SLC35E4: variants seen among roughly 807,000 people sequenced by gnomAD.
SLC35E4 encodes the protein solute carrier family 35, member E4.
A neutral mutation model predicts 19.3 loss-of-function variants in SLC35E4; 15 were observed. That is an observed-to-expected ratio of 0.78 (90% CI 0.52 to 1.20). The LOEUF (loss-of-function observed/expected upper bound fraction) is 1.20, where lower values mean the gene tolerates loss of function less well. SLC35E4 is among the 50% of genes most tolerant of loss of function. The pLI is 0.00. For synonymous variants in SLC35E4, 219 were observed against 219.9 expected, an observed-to-expected ratio of 1.00 and a Z score of 0.04; for missense variants, 406 against 472.3, an observed-to-expected ratio of 0.86 and a Z score of 1.30.
chr22:30,666,606 C>T (rs186523171), downstream of SLC35E4, among the ~76,000 whole-genome samples: 569 of 109,248 alleles, frequency 5.2e-3, 7 homozygotes, highest in Middle Eastern at 0.032. Flanking sequence ...TGGGAGACAG[C>T]GTGAGACTCC....
intron 2 of SLC35E4, among the ~76,000 whole-genome samples, chr22:30,657,895 C>T (rs897847937): frequency 2.8e-5 from 4 of 142,674 alleles, no homozygotes; most frequent in African/African-American, 5.2e-5. Context: ...CAGTGCAAGA[C>T]TCTGTCTCAA....
chr22:30,655,235 G>A (rs1289416174), intron 2 of SLC35E4, among the ~76,000 whole-genome samples: 1 of 151,474 alleles, frequency 6.6e-6, no homozygotes, highest in Non-Finnish European at 1.5e-5. Context: ...AAAGGTGGAT[G>A]GCTAGAGCCC....
chr22:30,636,671 A>C lies in SLC35E4; in HGVS notation c.221A>C (p.His74Pro). The stretch of plus-strand genomic sequence containing the variant: ...CTCAACAAGTGGATCTTCACAGTGC[A>C]CGGCTTTGGGCGGCCCCTGCTGCTG... ...SSLNKWIFTV[H>P]GFGRPLLLSA... Residue 74 changes from histidine (H) to proline (P), a missense_variant, in exon 1 of 2, where the codon CAC (histidine) becomes CCC (proline). By Grantham distance (77) the His-to-Pro change is moderately conservative. Transcript: ENST00000343605. The C allele has an allele frequency of 6.2e-7, 1 of 1,612,140 alleles. No individual in the cohort carries two copies. Among genetic ancestry groups the C allele is most frequent in the Non-Finnish European group, 8.5e-7 (1 of 1,179,280 alleles).
chr22:30,663,700 G>C, downstream of SLC35E4: 9 of 1,614,260 alleles, frequency 5.6e-6, no homozygotes, highest in Non-Finnish European at 7.6e-6. Flanking sequence ...GCACAGTGCA[G>C]CAAAGTACGG....
At chr22:30,660,670 G>A (rs967133060) in intron 2 of SLC35E4, among the ~76,000 whole-genome samples, 9 of 152,086 alleles carry the variant, frequency 5.9e-5, no homozygotes, top group African/African-American at 4.8e-5. Context: ...AAGGATAACC[G>A]AAAGAAATCC....
In SLC35E4 at chr22:30,653,467, G is replaced by A. The variant is rs1314744752; in HGVS notation, c.*8+4214G>A. On this transcript the variant is annotated intron_variant, in intron 2 of 2. Coordinates refer to the SLC35E4 transcript ENST00000406566. ...GCTCACTGCAACCTCCGCCTCCTGG[G>A]TTCAAGCGATTCTCCTGCCTCAGCC... Among the ~76,000 whole-genome samples the A allele has an allele frequency of 2.0e-5, 3 of 151,952 alleles. No homozygotes were observed. In the East Asian group the frequency reaches 5.8e-4, roughly 29 times the overall value.
In SLC35E4 at chr22:30,635,941, G is replaced by C. The variant is rs1354609095; in HGVS notation, c.-510G>C. 2.0e-5 allele frequency: 3 copies of C among 152,512 alleles called. No individual in the cohort carries two copies. The highest frequency in any genetic ancestry group is 7.2e-5 in the African/African-American group (3 of 41,452). 9.4% of individuals were successfully genotyped at this position (152,512 alleles called of 1,614,324 possible). ...GGGCCGTGGTGTCAGCTCACTGCCC[G>C]GGCGCTGTGGGAGGCAGCGAGCCCG... On this transcript the variant is annotated 5_prime_UTR_variant, in exon 1 of 2. Coordinates refer to ENST00000343605, the MANE Select transcript of SLC35E4 (RefSeq NM_001001479.4).
downstream of SLC35E4, among the ~76,000 whole-genome samples, chr22:30,650,098 G>A (rs1325202385): frequency 6.7e-6 from 1 of 149,358 alleles, no homozygotes; most frequent in African/African-American, 2.5e-5. Flanking sequence ...TTGGGAGTCC[G>A]AGGGGGGCGG....
downstream of SLC35E4, among the ~76,000 whole-genome samples, chr22:30,650,605 C>G (rs1306679499): frequency 6.6e-6 from 1 of 152,184 alleles, no homozygotes; most frequent in African/African-American, 2.4e-5. Flanking sequence ...TCCTCTCCAC[C>G]TGTGCCTCTG....
downstream of SLC35E4, among the ~76,000 whole-genome samples, chr22:30,651,134 C>A (rs947428776): frequency 6.6e-6 from 1 of 151,646 alleles, no homozygotes; most frequent in African/African-American, 2.4e-5. Context: ...GGAAGTAGCA[C>A]AAAATACTTA....
At chr22:30,638,539 C>CA (rs2087987202) in intron 1 of SLC35E4, among the ~76,000 whole-genome samples, 1 of 147,144 alleles carries the variant, frequency 6.8e-6, no homozygotes, top group Non-Finnish European at 1.5e-5. Flanking sequence ...GGGCCAGGCG[C>CA]AGTGGCTCAC....
intron 2 of SLC35E4, chr22:30,654,141 G>A (rs1054405471): frequency 5.2e-5 from 12 of 229,852 alleles, no homozygotes; most frequent in Middle Eastern, 1.7e-3. Context: ...CACCACGCCC[G>A]GCTATTTTTA....
chr22:30,646,324 T>C (rs1267792735), intron 1 of SLC35E4, among the ~76,000 whole-genome samples: 2 of 152,208 alleles, frequency 1.3e-5, no homozygotes, highest in Non-Finnish European at 2.9e-5. Flanking sequence ...GATTAGGTTT[T>C]ATTATTACCC....
chr22:30,656,916 AC>A (rs1244068356), intron 2 of SLC35E4, among the ~76,000 whole-genome samples: 1 of 152,142 alleles, frequency 6.6e-6, no homozygotes, highest in Non-Finnish European at 1.5e-5. Context: ...GGAGTTCGAG[AC>A]CAGCCTGGTC....
chr22:30,657,292 C>T (rs1415781482), intron 2 of SLC35E4, among the ~76,000 whole-genome samples: 2 of 150,502 alleles, frequency 1.3e-5, no homozygotes, highest in Non-Finnish European at 3.0e-5. Flanking sequence ...CACACACACA[C>T]ACACACACAC....
At position 30,646,969 on chromosome 22, in the gene SLC35E4, G is replaced by T; in HGVS notation, c.991G>T (p.Val331Leu). 1 of 1,613,800 alleles carries T rather than the reference G, an allele frequency of 6.2e-7. No homozygotes were observed. Among genetic ancestry groups the T allele is most frequent in the Non-Finnish European group, 8.5e-7 (1 of 1,180,000 alleles). ...GTTCCTTTACCACAACTGCGAGTTC[G>T]TGGCCTCCTGGGCTGCCCGTCGGGG... ...GMFLYHNCEF[V>L]ASWAARRGLW... The change falls in exon 2 of 2, where the codon GTG (valine) becomes TTG (leucine). Residue 331 changes from valine to leucine, a missense_variant. Val to Leu is a conservative substitution (Grantham distance 32). Coordinates refer to ENST00000343605, the MANE Select transcript of SLC35E4 (RefSeq NM_001001479.4).
At chr22:30,659,980 G>T (rs2088426049) in intron 2 of SLC35E4, among the ~76,000 whole-genome samples, 2 of 152,170 alleles carry the variant, frequency 1.3e-5, no homozygotes, top group Admixed American at 1.3e-4. Context: ...CAGAGAAAAG[G>T]CCAACCCCCA....
intron 2 of SLC35E4, chr22:30,661,497 G>A (rs1450679780): frequency 7.1e-6 from 1 of 141,340 alleles, no homozygotes; most frequent in African/African-American, 2.6e-5. Context: ...TGCCCAGGCT[G>A]GAGTGCAATG....
chr22:30,653,565 G>A (rs1338526229), intron 2 of SLC35E4, among the ~76,000 whole-genome samples: 1 of 151,940 alleles, frequency 6.6e-6, no homozygotes, highest in East Asian at 1.9e-4. Context: ...TAGAGACTGG[G>A]TTTCACCATG....
Sources: allele counts gnomAD v4.1 joint callset (sites outside exome capture counted in the v4.1 genomes callset), GRCh38; gene constraint gnomAD v4.1.1; transcripts MANE v1.5; gene names NCBI Gene and HGNC (gene_info 2026-07-23, HGNC 2026-07-21).